CTHRC1: variants seen among roughly 807,000 people sequenced by gnomAD.
The protein encoded by CTHRC1 is collagen triple helix repeat containing 1.
Under a neutral mutation model 25.9 loss-of-function variants are expected in CTHRC1, and 21 were observed. The observed-to-expected ratio is 0.81, with a 90% CI of 0.57 to 1.17. CTHRC1 has a LOEUF of 1.17. CTHRC1 is among the 50% of genes most tolerant of loss of function. CTHRC1 has a pLI of 0.00. For missense variants in CTHRC1, 281 were observed against 304.3 expected, an observed-to-expected ratio of 0.92 and a Z score of 0.57; for synonymous variants, 109 against 113.1, an observed-to-expected ratio of 0.96 and a Z score of 0.23.
chr8:103,382,449 G>C lies in CTHRC1; in HGVS notation c.590-9G>C, dbSNP rs761101527. On this transcript the variant is annotated splice_polypyrimidine_tract_variant and intron_variant, in intron 3 of 3. Coordinates refer to ENST00000330295, the MANE Select transcript of CTHRC1 (RefSeq NM_138455.4). ...AAAGAAAGATGTAACTTTCATCTTT[G>C]TCTTGCAGTGGAAGGACTTTGTGAA... 2.5e-6 allele frequency: 4 copies of C among 1,613,652 alleles called. No homozygotes were observed. The highest frequency in any genetic ancestry group is 3.4e-6 in the Non-Finnish European group (4 of 1,179,708).
chr8:103,374,315 T>C (rs2130396707), intron 1 of CTHRC1, among the ~76,000 whole-genome samples: 1 of 152,372 alleles, frequency 6.6e-6, no homozygotes, highest in Non-Finnish European at 1.5e-5. Flanking sequence ...GCTTTGAAGT[T>C]ACTTTAATAT....
At chr8:103,382,353 A>G in intron 3 of CTHRC1, 105 bp from the exon 4 acceptor site, 1 of 1,167,104 alleles carries the variant, frequency 8.6e-7, no homozygotes, top group Non-Finnish European at 1.3e-6. Context: ...AAGTAGCATT[A>G]CATTAAACAG....
chr8:103,373,871 T>C (rs1815757566), intron 1 of CTHRC1, among the ~76,000 whole-genome samples: 1 of 151,706 alleles, frequency 6.6e-6, no homozygotes, highest in South Asian at 2.1e-4. Context: ...GTGAAAAAAA[T>C]CAAAGAATAT....
Position 103,382,496 on chromosome 8 carries a change from G to A in CTHRC1, c.628G>A (p.Asp210Asn), listed in dbSNP as rs756063602. 1 of 1,613,746 alleles carries A rather than the reference G, an allele frequency of 6.2e-7. No individual in the cohort carries two copies. Among genetic ancestry groups the A allele is most frequent in the Admixed American group, 1.7e-5 (1 of 60,016 alleles). The change falls in exon 4 of 4, where the codon GAT becomes AAT. Residue 210 changes from aspartate to asparagine, a missense_variant. Transcript: ENST00000330295. The part of the protein sequence containing the change: ...LCEGIGAGLV[D>N]VAIWVGTCSD... Reference sequence around the variant, plus strand: ...TGAAGGAATTGGTGCTGGATTAGTGGATGTTGCTATCTGGGTTGGTACTTG... The same window carrying A: ...TGAAGGAATTGGTGCTGGATTAGTGAATGTTGCTATCTGGGTTGGTACTTG...
chr8:103,381,323 CTTA>C (rs1815906717), intron 3 of CTHRC1, among the ~76,000 whole-genome samples: 4 of 150,252 alleles, frequency 2.7e-5, no homozygotes, highest in African/African-American at 9.8e-5. Flanking sequence ...TCAATTCCCA[CTTA>C]TGAGTGAGCA....
At chr8:103,382,258 T>C (rs981465424) in intron 3 of CTHRC1, among the ~76,000 whole-genome samples, 200 bp from the exon 4 acceptor site, 5 of 152,232 alleles carry the variant, frequency 3.3e-5, no homozygotes. Context: ...AGAATGGATA[T>C]GTATACATCT....
At chr8:103,381,487 CTT>C (rs10588869) in intron 3 of CTHRC1, among the ~76,000 whole-genome samples, 116,859 of 151,306 alleles carry the variant, frequency 0.77, 45,215 homozygotes, top group Middle Eastern at 0.83. Flanking sequence ...TAAGAGAAGA[CTT>C]TGGTAAGATG....
At chr8:103,373,159 G>A (rs1309213175) in intron 1 of CTHRC1, among the ~76,000 whole-genome samples, 2 of 152,216 alleles carry the variant, frequency 1.3e-5, no homozygotes, top group African/African-American at 4.8e-5. Flanking sequence ...TTCCTGTGAA[G>A]CTTGCTATTT....
At chr8:103,378,292 T>C in intron 3 of CTHRC1, 49 bp downstream of exon 3, 3 of 1,496,928 alleles carry the variant, frequency 2.0e-6, no homozygotes. Context: ...CTAAGTAAGA[T>C]TAGTTTTGAG....
intron 1 of CTHRC1, chr8:103,372,646 T>C (rs950320039): frequency 4.4e-6 from 7 of 1,597,766 alleles, no homozygotes; most frequent in Non-Finnish European, 4.2e-6. Flanking sequence ...TTCCAGGGGC[T>C]CATCTGTGGG....
At chr8:103,373,170 T>C (rs1381548037) in intron 1 of CTHRC1, among the ~76,000 whole-genome samples, 2 of 152,138 alleles carry the variant, frequency 1.3e-5, no homozygotes, top group East Asian at 1.9e-4. Context: ...CTTGCTATTT[T>C]CCCCCCTTCA....
chr8:103,375,626 G>A (rs2130399086), intron 1 of CTHRC1, 112 bp from the exon 2 acceptor site: 2 of 849,498 alleles, frequency 2.4e-6, no homozygotes, highest in Non-Finnish European at 2.1e-6. Context: ...CGGGCATGTG[G>A]TATGAAGGGA....
intron 3 of CTHRC1, among the ~76,000 whole-genome samples, chr8:103,378,454 G>C (rs1008825009): frequency 3.3e-5 from 5 of 152,128 alleles, no homozygotes; most frequent in Non-Finnish European, 5.9e-5. Flanking sequence ...ATGAACTAAC[G>C]CAGAATCTCT....
At chr8:103,377,858 C>T (rs1436444673) in intron 2 of CTHRC1, among the ~76,000 whole-genome samples, 169 bp from the exon 3 acceptor site, 1 of 152,192 alleles carries the variant, frequency 6.6e-6, no homozygotes, top group African/African-American at 2.4e-5. Flanking sequence ...CCCCCCTCGG[C>T]CTCCCAAAAT....
At position 103,378,161 on chromosome 8, in the gene CTHRC1, T is replaced by C. The variant is rs1346517274; in HGVS notation, c.507T>C (p.Pro169=). The C allele has an allele frequency of 6.2e-7, 1 of 1,614,142 alleles. No homozygotes were observed. The highest frequency in any genetic ancestry group is 8.5e-7 in the Non-Finnish European group (1 of 1,179,980). ...TCAATGGAGCTGAATGTTCAGGACC[T>C]CTTCCCATTGAAGCTATAATTTATT... ...FTFNGAECSG[P]LPIEAIIYLD... Residue 169 remains proline, a synonymous_variant, in exon 3 of 4, where the codon CCT becomes CCC. Transcript: ENST00000330295.
At chr8:103,375,555 A>G (rs185277407) in intron 1 of CTHRC1, among the ~76,000 whole-genome samples, 183 bp from the exon 2 acceptor site, 5 of 152,300 alleles carry the variant, frequency 3.3e-5, no homozygotes, top group African/African-American at 4.8e-5. Flanking sequence ...AATATGAAGG[A>G]AATCACAATA....
chr8:103,372,317 C>T, intron 1 of CTHRC1: 1 of 727,040 alleles, frequency 1.4e-6, no homozygotes, highest in East Asian at 3.2e-5. Flanking sequence ...CCCCACAAAG[C>T]ATCCGTCCAA....
rs1259724786 is a variant in CTHRC1, at chr8:103,371,701, C to G, written c.45C>G (p.Gly15=). ...CCGCCTCCCCGCAGCGGCTCCGCGG[C>G]CTCCTGCTGCTCCTGCTGCTGCAGC... ...GPAASPQRLR[G]LLLLLLLQLP... is the part of the protein sequence containing the mutation. The change falls in exon 1 of 4, where the codon GGC becomes GGG. Residue 15 remains glycine, a synonymous_variant. Transcript: ENST00000330295. 6.5e-7 allele frequency: 1 copy of G among 1,534,046 alleles called. No individual in the cohort carries two copies. The highest frequency in any genetic ancestry group is 1.4e-5 in the African/African-American group (1 of 70,502).
rs760692453 is a variant in CTHRC1 at position 103,382,639 on chromosome 8, G to A, written c.*39G>A. 1.3e-6 allele frequency: 2 copies of A among 1,528,964 alleles called. No individual in the cohort carries two copies. Among genetic ancestry groups the A allele is most frequent in the Non-Finnish European group, 9.1e-7 (1 of 1,103,014 alleles). 94.7% of individuals were successfully genotyped at this position (1,528,964 alleles called of 1,614,324 possible). A position where few individuals can be genotyped will look rare whatever the true frequency, so the allele number is the denominator to read the frequency against. On this transcript the variant is annotated 3_prime_UTR_variant, in exon 4 of 4. Transcript: ENST00000330295. ...CATTTGCTACCTCTTTTTTTATTAT[G>A]CCTTGGAATGGTTCACTTAAATGAC...
Sources: gnomAD v4.1 joint callset for allele counts (sites outside exome capture counted in the v4.1 genomes callset) on GRCh38, gnomAD v4.1.1 for gene constraint, MANE v1.5 for transcripts, NCBI Gene and HGNC (gene_info 2026-07-23, HGNC 2026-07-21) for gene names.